The following DNAH9 variants were observed in gnomAD, a reference collection of about 807,000 sequenced individuals.
The protein encoded by DNAH9 is dynein axonemal heavy chain 9, also known as DNAH9 variant protein.
Under a neutral mutation model 471.6 loss-of-function variants are expected in DNAH9, and 345 were observed. The observed-to-expected ratio is 0.73, with a 90% confidence interval of 0.67 to 0.80. DNAH9 has a LOEUF of 0.80. Among genes scored for constraint, DNAH9 ranks in the 30% least tolerant of loss-of-function variants. The pLI, the probability that DNAH9 is intolerant of heterozygous loss-of-function variation, is 0.00. For synonymous variants in DNAH9, 2,093 were observed against 2,123.6 expected (o/e 0.99, Z 0.40); for missense variants, 5,407 against 5,609.2 (o/e 0.96, Z 1.15).
chr17:11,861,257 A>T (rs1418803886), intron 50 of DNAH9, among the ~76,000 whole-genome samples: 2 of 151,412 alleles, frequency 1.3e-5, no homozygotes, highest in Non-Finnish European at 2.9e-5. Flanking sequence ...ATTCCCACCT[A>T]TGAGTGAGAA....
At chr17:11,829,786 T>A (rs1286241759) in intron 48 of DNAH9, among the ~76,000 whole-genome samples, 2 of 152,212 alleles carry the variant, frequency 1.3e-5, no homozygotes, top group African/African-American at 4.8e-5. Context: ...GTTCATAAAC[T>A]TTAGACTTAT....
At chr17:11,702,861 GGT>G (rs1455204571) in intron 24 of DNAH9, among the ~76,000 whole-genome samples, 9 of 152,138 alleles carry the variant, frequency 5.9e-5, no homozygotes, top group Non-Finnish European at 1.3e-4. Context: ...GGGAGGCTGA[GGT>G]GGGTGGATCA....
At chr17:11,684,266 T>C (rs2150745737) in intron 19 of DNAH9, among the ~76,000 whole-genome samples, 1 of 152,336 alleles carries the variant, frequency 6.6e-6, no homozygotes, top group East Asian at 1.9e-4. Context: ...CTGAGTGTCT[T>C]ATTAAGCCCT....
In DNAH9 at chr17:11,744,934, G is replaced by A; in HGVS notation, c.6249G>A (p.Val2083=). The change falls in exon 31 of 69, where the codon GTG becomes GTA. Residue 2083 remains valine, a synonymous_variant. Coordinates refer to ENST00000262442, the MANE Select transcript of DNAH9 (RefSeq NM_001372.4). ...SLRDFNIPKI[V]TDDMPIFMGL... is the part of the protein sequence containing the mutation. ...GGGATTTCAACATCCCCAAGATTGT[G>A]ACTGATGACATGCCCATCTTCATGG... 1 of 1,614,202 alleles carries A rather than the reference G, an allele frequency of 6.2e-7. No homozygotes were observed. The highest frequency in any genetic ancestry group is 8.5e-7 in the Non-Finnish European group (1 of 1,180,034).
rs769993477 is a variant in DNAH9, at chr17:11,834,841, G to T, written c.9450G>T (p.Leu3150=). ...KQKQKDCEED[L]AKAEPALTAA... ...AGCAGAAGGACTGTGAGGAGGACCTGGCAAAGGCTGAGCCAGCACTCACAG... is the reference window on the plus strand; with the variant it reads ...AGCAGAAGGACTGTGAGGAGGACCTTGCAAAGGCTGAGCCAGCACTCACAG... Residue 3150 remains leucine, a synonymous_variant, in exon 49 of 69, where the codon CTG becomes CTT. Transcript: ENST00000262442. 4.3e-6 allele frequency: 7 copies of T among 1,613,840 alleles called. No homozygotes were observed. In the Admixed American group the frequency reaches 1.2e-4, roughly 27 times the overall value.
chr17:11,671,921 C>T (rs949609259), intron 17 of DNAH9, among the ~76,000 whole-genome samples: 2 of 152,176 alleles, frequency 1.3e-5, no homozygotes, highest in South Asian at 2.1e-4. Flanking sequence ...TGAAAGAAGA[C>T]AGCCCAACTG....
At chr17:11,901,087 A>C (rs2151011879) in intron 59 of DNAH9, among the ~76,000 whole-genome samples, 1 of 152,330 alleles carries the variant, frequency 6.6e-6, no homozygotes, top group East Asian at 1.9e-4. Flanking sequence ...ATGGCTTGAG[A>C]GTGCCAGAAA....
rs74994474 is a variant in DNAH9, at chr17:11,833,182, T to C, written c.9247-1456T>C. Among the ~76,000 whole-genome samples, 869 of 152,324 alleles carry C rather than the reference T, an allele frequency of 5.7e-3. 14 individuals are homozygous for C. Among genetic ancestry groups the C allele is most frequent in the African/African-American group, 0.02 (839 of 41,576 alleles). ...TGGAAGTTTTCTCAGGTGCTGATAT[T>C]CCCATCACTTTATTACTGCCTCCAG... On this transcript the variant is annotated intron_variant, in intron 48 of 68. Coordinates refer to ENST00000262442, the MANE Select transcript of DNAH9 (RefSeq NM_001372.4).
chr17:11,925,550 C>T (rs898827265), intron 62 of DNAH9: 1 of 155,218 alleles, frequency 6.4e-6, no homozygotes, highest in African/African-American at 2.4e-5. Context: ...ACCTCCCCAC[C>T]CCCTCAGGCA....
intron 41 of DNAH9, among the ~76,000 whole-genome samples, chr17:11,785,490 G>T (rs552484136): frequency 2.0e-4 from 30 of 152,226 alleles, no homozygotes; most frequent in African/African-American, 6.7e-4. Context: ...GACGACATAA[G>T]GCCAGGTTGT....
chr17:11,755,353 G>T (rs916514405), intron 33 of DNAH9, among the ~76,000 whole-genome samples: 1 of 152,012 alleles, frequency 6.6e-6, no homozygotes, highest in Non-Finnish European at 1.5e-5. Flanking sequence ...TTCTAGTTCT[G>T]TGAAGAATGT....
intron 63 of DNAH9, among the ~76,000 whole-genome samples, chr17:11,930,685 A>T (rs2151034959): frequency 6.7e-6 from 1 of 150,338 alleles, no homozygotes; most frequent in Non-Finnish European, 1.5e-5. Flanking sequence ...GAATGGCGTG[A>T]ACCTGGGAGG....
At chr17:11,598,991 G>T in intron 1 of DNAH9, 76 bp downstream of exon 1, 2 of 1,124,358 alleles carry the variant, frequency 1.8e-6, no homozygotes, top group Non-Finnish European at 2.4e-6. Flanking sequence ...GGACGGAGGC[G>T]GGGCCAGAGG....
intron 49 of DNAH9, among the ~76,000 whole-genome samples, chr17:11,846,084 A>G (rs1221203610): frequency 6.6e-6 from 1 of 150,832 alleles, no homozygotes; most frequent in East Asian, 1.9e-4. Context: ...GCCCATGCCT[A>G]TGTCCTGAAT....
rs553361534 is a variant in DNAH9, at chr17:11,700,350, C to T, written c.5025+467C>T. Among the ~76,000 whole-genome samples the T allele has an allele frequency of 2.0e-5, 3 of 152,198 alleles. No individual in the cohort carries two copies. In the East Asian group the frequency reaches 5.8e-4, roughly 29 times the overall value. On this transcript the variant is annotated intron_variant, in intron 23 of 68. Transcript: ENST00000262442. ...CAAATGTGTCTTAGTGTCACTTCCT[C>T]CCACAGCCTTCCCCTTGGAGAACAA...
At chr17:11,934,434 C>CTTTTTT (rs1567560864) in intron 65 of DNAH9, among the ~76,000 whole-genome samples, 3 of 103,086 alleles carry the variant, frequency 2.9e-5, no homozygotes, top group Non-Finnish European at 6.6e-5. Flanking sequence ...TTGACAAACC[C>CTTTTTT]ATTTTTTTTT....
rs573489412 is a variant in DNAH9, at chr17:11,769,996, C to T, written c.7552+667C>T. 1.8e-4 allele frequency among the ~76,000 whole-genome samples: 27 copies of T among 152,308 alleles called. 1 individual carries two copies. Among genetic ancestry groups the T allele is most frequent in the African/African-American group, 6.3e-4 (26 of 41,564 alleles). The stretch of plus-strand genomic sequence containing the variant: ...AGAAGCTTCCAAGCCATTCTTCCAA[C>T]AAAATGAGGGGAGAGGCAGGGCTGG... On this transcript the variant is annotated intron_variant, in intron 38 of 68. Transcript: ENST00000262442.
At chr17:11,954,147 A>AAAGT (rs1390642284) in intron 67 of DNAH9, 2 of 151,902 alleles carry the variant, frequency 1.3e-5, no homozygotes, top group Non-Finnish European at 2.9e-5. Flanking sequence ...GGTGTCCCAA[A>AAAGT]AAGTAAACAA....
chr17:11,709,704 GT>G (rs2074797994), intron 26 of DNAH9, among the ~76,000 whole-genome samples: 1 of 152,144 alleles, frequency 6.6e-6, no homozygotes, highest in Non-Finnish European at 1.5e-5. Context: ...AAATGGAAAT[GT>G]TTTTTCAGGC....
Sources: gnomAD v4.1 joint callset for allele counts (sites outside exome capture counted in the v4.1 genomes callset) on GRCh38, gnomAD v4.1.1 for gene constraint, MANE v1.5 for transcripts, NCBI Gene and HGNC (gene_info 2026-07-23, HGNC 2026-07-21) for gene names.